Variants in BEND6 observed in about 807,000 individuals in gnomAD.
The protein encoded by BEND6 is BEN domain containing 6.
In BEND6, 24 loss-of-function variants were observed where a neutral mutation model predicts 31.8. The ratio of observed to expected loss-of-function variants is 0.75; its 90% CI spans 0.55 to 1.06. The LOEUF is 1.06. BEND6 is among the 50% of genes least tolerant of loss of function. The pLI is 0.00. For synonymous variants in BEND6, 109 were observed against 114.6 expected, an observed-to-expected ratio of 0.95 and a Z score of 0.31; for missense variants, 294 against 327.4, an observed-to-expected ratio of 0.90 and a Z score of 0.79.
chr6:57,015,733 A>G (rs930913027), intron 4 of BEND6, among the ~76,000 whole-genome samples: 15 of 149,406 alleles, frequency 1.0e-4, no homozygotes, highest in Admixed American at 8.8e-4. Context: ...TGAACCCAGG[A>G]GGTGGAGCTT....
intron 1 of BEND6, among the ~76,000 whole-genome samples, chr6:56,962,890 C>T (rs1825338533): frequency 6.6e-6 from 1 of 152,150 alleles, no homozygotes. Flanking sequence ...TTGATGTGGA[C>T]CACCTAGTTA....
chr6:57,009,788 T>C (rs1827282788), intron 3 of BEND6: 2 of 152,192 alleles, frequency 1.3e-5, no homozygotes, highest in South Asian at 4.1e-4. Flanking sequence ...TGATATATGT[T>C]TAATGCATGA....
chr6:57,015,429 C>A, intron 4 of BEND6, 76 bp downstream of exon 4: 1 of 1,283,218 alleles, frequency 7.8e-7, no homozygotes, highest in Non-Finnish European at 1.1e-6. Flanking sequence ...GGAAAATGAT[C>A]ATTGTTTTAT....
chr6:56,999,662 T>C (rs914685882), intron 3 of BEND6, among the ~76,000 whole-genome samples: 4 of 152,210 alleles, frequency 2.6e-5, no homozygotes, highest in Non-Finnish European at 4.4e-5. Context: ...CCCCTGCAGC[T>C]AAGCAGAGAG....
At chr6:56,997,535 C>G (rs1826766821) in intron 3 of BEND6, among the ~76,000 whole-genome samples, 1 of 152,128 alleles carries the variant, frequency 6.6e-6, no homozygotes. Flanking sequence ...CTGCAGTGTT[C>G]ATTTCTGCAT....
At chr6:56,958,520 C>T (rs1825174813) in intron 1 of BEND6, among the ~76,000 whole-genome samples, 1 of 152,138 alleles carries the variant, frequency 6.6e-6, no homozygotes, top group Admixed American at 6.6e-5. Flanking sequence ...TTTAGACCCA[C>T]TGAGATGGAA....
Position 57,018,331 on chromosome 6 carries a change from T to G in BEND6, c.713-90T>G, listed in dbSNP as rs141412612. 1.6e-5 allele frequency: 22 copies of G among 1,361,274 alleles called. No individual in the cohort carries two copies. In the East Asian group the frequency reaches 5.4e-4, roughly 33 times the overall value. The allele number at this position is 1,361,274 out of a possible 1,614,324, so 84.3% of individuals were successfully genotyped here. ...TTGTAAAATGGAAAAAAAATTATAATGTAGAATACTTGATGTTTTACCTCA... is the reference window on the plus strand; with the variant it reads ...TTGTAAAATGGAAAAAAAATTATAAGGTAGAATACTTGATGTTTTACCTCA... On this transcript the variant is annotated intron_variant, in intron 5 of 6. Coordinates refer to ENST00000370746, the MANE Select transcript of BEND6 (RefSeq NM_152731.3).
intron 3 of BEND6, chr6:57,004,664 TG>T: frequency 1.4e-6 from 2 of 1,403,358 alleles, no homozygotes; most frequent in Non-Finnish European, 2.0e-6. Context: ...GCATTACATT[TG>T]GAAAAAAAAA....
At chr6:56,983,228 A>G (rs1219408255) in intron 2 of BEND6, among the ~76,000 whole-genome samples, 2 of 152,234 alleles carry the variant, frequency 1.3e-5, no homozygotes, top group East Asian at 1.9e-4. Context: ...AAACATATAG[A>G]TAGTAAGAAG....
rs1827921512 is a variant in BEND6 at position 57,026,930 on chromosome 6, T to C, written c.*858T>C. ...CGTATATAAGATATAACATGATAGA[T>C]AGTTGGTCGATTACATTGCTATACT... is the stretch of plus-strand genomic sequence containing the variant. On this transcript the variant is annotated 3_prime_UTR_variant, in exon 7 of 7. Transcript: ENST00000370746. The C allele has an allele frequency of 6.6e-6, 1 of 152,234 alleles. No individual in the cohort carries two copies. Among genetic ancestry groups the C allele is most frequent in the Non-Finnish European group, 1.5e-5 (1 of 68,042 alleles). 9.4% of individuals were successfully genotyped at this position (152,234 alleles called of 1,614,324 possible).
At chr6:56,991,129 AAT>A (rs1226387922) in intron 2 of BEND6, among the ~76,000 whole-genome samples, 3 of 152,156 alleles carry the variant, frequency 2.0e-5, no homozygotes, top group Non-Finnish European at 4.4e-5. Flanking sequence ...AACATTTAAA[AAT>A]AAATTAATTA....
chr6:56,988,252 G>A (rs1024553695), intron 2 of BEND6, among the ~76,000 whole-genome samples: 5 of 151,814 alleles, frequency 3.3e-5, no homozygotes, highest in Admixed American at 2.0e-4. Flanking sequence ...TCCTGACCTC[G>A]TGATCCGCCA....
At chr6:57,015,929 A>T (rs1827545596) in intron 4 of BEND6, among the ~76,000 whole-genome samples, 1 of 152,148 alleles carries the variant, frequency 6.6e-6, no homozygotes, top group African/African-American at 2.4e-5. Context: ...GATCAATCTG[A>T]GAACCAAAGG....
chr6:57,005,521 CA>C (rs982696707), intron 3 of BEND6, among the ~76,000 whole-genome samples: 13 of 150,148 alleles, frequency 8.7e-5, no homozygotes, highest in African/African-American at 2.7e-4. Context: ...ACTAAAAATA[CA>C]AAAAAAAATT....
chr6:57,018,590 T>C, intron 6 of BEND6, 33 bp downstream of exon 6: 2 of 1,441,324 alleles, frequency 1.4e-6, no homozygotes, highest in Non-Finnish European at 9.2e-7. Flanking sequence ...CCTTTCAATG[T>C]GGCAAGAAAA....
rs891091873 is a variant in BEND6, at chr6:57,026,531, T to C, written c.*459T>C. On this transcript the variant is annotated 3_prime_UTR_variant, in exon 7 of 7. Coordinates refer to ENST00000370746, the MANE Select transcript of BEND6 (RefSeq NM_152731.3). Reference sequence around the variant, plus strand: ...TTGGATCTTTAGCATAAGCACATGCTTGCAAAAGTAAACAGTGAAATAATT... The same window carrying C: ...TTGGATCTTTAGCATAAGCACATGCCTGCAAAAGTAAACAGTGAAATAATT... 6.6e-6 allele frequency: 1 copy of C among 152,164 alleles called. No homozygotes were observed. The highest frequency in any genetic ancestry group is 1.5e-5 in the Non-Finnish European group (1 of 68,032). The allele number at this position is 152,164 out of a possible 1,614,324, so 9.4% of individuals were successfully genotyped here.
At chr6:56,960,399 C>A (rs1825247635) in intron 1 of BEND6, among the ~76,000 whole-genome samples, 1 of 152,028 alleles carries the variant, frequency 6.6e-6, no homozygotes, top group African/African-American at 2.4e-5. Flanking sequence ...TATAAACATT[C>A]TACATCTGAA....
At chr6:56,986,562 A>C (rs1826282632) in intron 2 of BEND6, among the ~76,000 whole-genome samples, 1 of 152,180 alleles carries the variant, frequency 6.6e-6, no homozygotes, top group Non-Finnish European at 1.5e-5. Context: ...TCAAGTCTCT[A>C]TGCTTGATTG....
intron 3 of BEND6, among the ~76,000 whole-genome samples, chr6:57,011,621 G>A (rs1246121972): frequency 2.0e-5 from 3 of 150,796 alleles, no homozygotes; most frequent in Admixed American, 6.6e-5. Context: ...GGGAGACTGC[G>A]GTGGGAGGAT....
Sources: allele counts gnomAD v4.1 joint callset (sites outside exome capture counted in the v4.1 genomes callset), GRCh38; gene constraint gnomAD v4.1.1; transcripts MANE v1.5; gene names NCBI Gene and HGNC (gene_info 2026-07-23, HGNC 2026-07-21).